The following ZNF420 variants were observed in gnomAD, a reference collection of about 807,000 sequenced individuals.
ZNF420 encodes ATM and p53-associated KZNF protein.
A neutral mutation model predicts 44.7 loss-of-function variants in ZNF420; 31 were observed. That is an observed-to-expected ratio of 0.69 (90% confidence interval 0.52 to 0.94). ZNF420 has a LOEUF of 0.94. Ranked by LOEUF, ZNF420 falls within the 40% of genes least tolerant of loss-of-function variation. The probability of loss-of-function intolerance (pLI) is 0.00; values close to 1 mark genes in which losing one functional copy is unlikely to be tolerated. For missense variants in ZNF420, 681 were observed against 827.9 expected, an observed-to-expected ratio of 0.82 and a Z score of 2.18; for synonymous variants, 245 against 267.4, an observed-to-expected ratio of 0.92 and a Z score of 0.82.
intron 4 of ZNF420, among the ~76,000 whole-genome samples, chr19:37,106,406 G>T (rs1314167196): frequency 6.6e-6 from 1 of 152,156 alleles, no homozygotes; most frequent in Non-Finnish European, 1.5e-5. Flanking sequence ...TGTGCTGCTG[G>T]ATTCGGTTTG....
At chr19:37,093,217 C>G (rs549200531) in intron 4 of ZNF420, 1 of 151,828 alleles carries the variant, frequency 6.6e-6, no homozygotes. Context: ...CCACATCTCG[C>G]GTGAACTCAT....
intron 1 of ZNF420, among the ~76,000 whole-genome samples, chr19:37,028,259 A>G (rs1222044788): frequency 1.3e-5 from 2 of 152,148 alleles, no homozygotes; most frequent in African/African-American, 4.8e-5. Context: ...GCGGGGAAAG[A>G]GCTTGCTGTG....
intron 1 of ZNF420, among the ~76,000 whole-genome samples, chr19:37,049,124 C>A (rs1250014667): frequency 6.6e-6 from 1 of 152,122 alleles, no homozygotes; most frequent in Non-Finnish European, 1.5e-5. Context: ...CATTGTTGGA[C>A]ATTTGGGTTG....
intron 4 of ZNF420, among the ~76,000 whole-genome samples, chr19:37,117,565 TCTC>T (rs1970767683): frequency 6.6e-6 from 1 of 152,012 alleles, no homozygotes; most frequent in Non-Finnish European, 1.5e-5. Context: ...GCAGAGCACC[TCTC>T]CTCCTCCAAA....
intron 4 of ZNF420, among the ~76,000 whole-genome samples, chr19:37,114,386 G>A (rs1335958586): frequency 6.6e-6 from 1 of 151,802 alleles, no homozygotes; most frequent in Non-Finnish European, 1.5e-5. Context: ...GGCTGATATT[G>A]TGGATACTGT....
At chr19:37,027,462 T>A (rs1372230351) in intron 1 of ZNF420, among the ~76,000 whole-genome samples, 1 of 152,212 alleles carries the variant, frequency 6.6e-6, no homozygotes, top group Non-Finnish European at 1.5e-5. Context: ...GATTCACTCT[T>A]TGTGTTCTAC....
chr19:37,035,889 G>A (rs2146403148), intron 1 of ZNF420, among the ~76,000 whole-genome samples: 1 of 152,228 alleles, frequency 6.6e-6, no homozygotes, highest in East Asian at 1.9e-4. Flanking sequence ...CTTCTCAAAA[G>A]AATATCAGAA....
intron 4 of ZNF420, chr19:37,109,919 C>T (rs547723491): frequency 8.5e-5 from 13 of 152,154 alleles, no homozygotes; most frequent in Admixed American, 5.2e-4. Flanking sequence ...AGGAGTGGTA[C>T]ACTCCTTACT....
rs1463746867 is a variant in ZNF420 at position 37,041,242 on chromosome 19, C to T, written c.-125+33160C>T. 3.4e-5 allele frequency among the ~76,000 whole-genome samples: 5 copies of T among 148,292 alleles called. No individual in the cohort carries two copies. In the South Asian group the frequency reaches 6.4e-4, roughly 19 times the overall value. On this transcript the variant is annotated intron_variant, in intron 1 of 4. Transcript: ENST00000587029. The stretch of plus-strand genomic sequence containing the variant: ...AGGAGAATCGCTTGAATCCAGGAGG[C>T]GGAGGTTGCAGTGAGCTGAGATCAT...
intron 4 of ZNF420, chr19:37,107,192 C>A (rs545501719): frequency 6.7e-6 from 1 of 150,298 alleles, no homozygotes; most frequent in Non-Finnish European, 1.5e-5. Context: ...TGGGGGATGT[C>A]GGGCTGGGGG....
chr19:37,116,368 CAAAA>C (rs57611154), intron 4 of ZNF420, among the ~76,000 whole-genome samples: 1 of 75,900 alleles, frequency 1.3e-5, no homozygotes, highest in Non-Finnish European at 2.9e-5. Context: ...GACTCCACCT[CAAAA>C]AAAAAAAAAA....
intron 1 of ZNF420, among the ~76,000 whole-genome samples, chr19:37,017,950 A>G (rs1391510970): frequency 6.6e-6 from 1 of 152,192 alleles, no homozygotes; most frequent in African/African-American, 2.4e-5. Context: ...AACTAATAAA[A>G]TGAATTCAGC....
chr19:37,037,360 C>T (rs141045443), intron 1 of ZNF420, among the ~76,000 whole-genome samples: 119 of 152,348 alleles, frequency 7.8e-4, no homozygotes, highest in African/African-American at 2.5e-3. Context: ...TACGATTGCT[C>T]AGTGCAATGG....
chr19:37,058,923 C>T (rs945243636), intron 1 of ZNF420, among the ~76,000 whole-genome samples: 1 of 152,212 alleles, frequency 6.6e-6, no homozygotes, highest in African/African-American at 2.4e-5. Context: ...CCCACAGCTC[C>T]TCCAAGGGAG....
intron 1 of ZNF420, among the ~76,000 whole-genome samples, chr19:37,043,062 C>A (rs1413521919): frequency 2.0e-5 from 3 of 152,084 alleles, no homozygotes; most frequent in Non-Finnish European, 2.9e-5. Context: ...TTCATGGCCT[C>A]CCAAAATAGT....
chr19:37,014,652 C>T (rs1397463885), intron 1 of ZNF420, among the ~76,000 whole-genome samples: 1 of 152,196 alleles, frequency 6.6e-6, no homozygotes, highest in Non-Finnish European at 1.5e-5. Flanking sequence ...TTGCAGCGCG[C>T]GCGAGCCGAC....
chr19:37,077,576 T>C (rs1017961957), upstream of ZNF420, among the ~76,000 whole-genome samples: 2 of 152,122 alleles, frequency 1.3e-5, no homozygotes, highest in Non-Finnish European at 2.9e-5. Flanking sequence ...GTCAGATAAA[T>C]TGATTATCTT....
intron 1 of ZNF420, among the ~76,000 whole-genome samples, chr19:37,010,954 G>A (rs2074564749): frequency 6.6e-6 from 1 of 152,066 alleles, no homozygotes; most frequent in South Asian, 2.1e-4. Context: ...GCCACACCAC[G>A]ACACAATCTT....
intron 1 of ZNF420, among the ~76,000 whole-genome samples, chr19:37,017,599 AC>A (rs2074617333): frequency 6.6e-6 from 1 of 152,226 alleles, no homozygotes; most frequent in Non-Finnish European, 1.5e-5. Flanking sequence ...AAAAGTTTCA[AC>A]CAATTTCAAA....
Sources: allele counts gnomAD v4.1 joint callset (sites outside exome capture counted in the v4.1 genomes callset), GRCh38; gene constraint gnomAD v4.1.1; transcripts MANE v1.5; gene names NCBI Gene and HGNC (gene_info 2026-07-23, HGNC 2026-07-21).